Variants in RAP1A observed in about 807,000 individuals in gnomAD.
The protein encoded by RAP1A is ras-related protein Rap-1A.
RAP1A carries 6 observed loss-of-function variants against 26.4 expected under a neutral mutation model. The observed-to-expected ratio is 0.23, with a 90% CI of 0.12 to 0.45. The LOEUF (loss-of-function observed/expected upper bound fraction) is 0.45, where lower values mean the gene tolerates loss of function less well. Ranked by LOEUF, RAP1A falls within the 20% of genes least tolerant of loss-of-function variation. The pLI, the probability that RAP1A is intolerant of heterozygous loss-of-function variation, is 0.99. For synonymous variants in RAP1A, 73 were observed against 79.4 expected (o/e 0.92, Z 0.43); for missense variants, 121 against 217.2 (o/e 0.56, Z 2.78).
At chr1:111,634,101 G>A (rs1422541662) in intron 1 of RAP1A, among the ~76,000 whole-genome samples, 2 of 152,170 alleles carry the variant, frequency 1.3e-5, no homozygotes, top group Admixed American at 6.5e-5. Context: ...TGTCCTCTGT[G>A]TGTTGGTATA....
chr1:111,560,996 C>T (rs185889086), intron 1 of RAP1A, among the ~76,000 whole-genome samples: 2 of 152,332 alleles, frequency 1.3e-5, no homozygotes, highest in African/African-American at 4.8e-5. Flanking sequence ...AAAGCCCATC[C>T]TTTACTAGGC....
intron 1 of RAP1A, among the ~76,000 whole-genome samples, chr1:111,661,625 CCT>C (rs1478322844): frequency 6.6e-6 from 1 of 151,838 alleles, no homozygotes; most frequent in African/African-American, 2.4e-5. Context: ...ATGGTGAAAC[CCT>C]GTCTCAACTA....
chr1:111,606,070 G>A (rs1033298706), intron 1 of RAP1A, among the ~76,000 whole-genome samples: 3 of 152,156 alleles, frequency 2.0e-5, no homozygotes, highest in African/African-American at 7.2e-5. Flanking sequence ...GGCACCCCAG[G>A]ACTCAGGAGC....
At chr1:111,663,722 C>G (rs758266589) in intron 1 of RAP1A, among the ~76,000 whole-genome samples, 2 of 152,150 alleles carry the variant, frequency 1.3e-5, no homozygotes, top group Non-Finnish European at 2.9e-5. Context: ...CAAGGTCAAC[C>G]CCTTTTTTCT....
At chr1:111,580,306 C>G (rs1364497162) in intron 1 of RAP1A, among the ~76,000 whole-genome samples, 1 of 152,128 alleles carries the variant, frequency 6.6e-6, no homozygotes, top group Non-Finnish European at 1.5e-5. Flanking sequence ...AATGCTCTCA[C>G]TGTGCTCCAT....
intron 1 of RAP1A, among the ~76,000 whole-genome samples, chr1:111,680,954 A>G (rs1661274343): frequency 6.6e-6 from 1 of 152,222 alleles, no homozygotes; most frequent in Non-Finnish European, 1.5e-5. Context: ...CAGCACAAAA[A>G]TACTGAAAAC....
At chr1:111,551,840 G>A (rs915748054) in intron 1 of RAP1A, among the ~76,000 whole-genome samples, 2 of 151,940 alleles carry the variant, frequency 1.3e-5, no homozygotes, top group African/African-American at 2.4e-5. Flanking sequence ...TCAGCCGAGC[G>A]GTTTACAGTT....
chr1:111,595,122 TC>T (rs1223914076), intron 1 of RAP1A, among the ~76,000 whole-genome samples: 3 of 152,296 alleles, frequency 2.0e-5, no homozygotes, highest in Admixed American at 6.5e-5. Flanking sequence ...CAGCCCATCT[TC>T]CCCCACTATG....
intron 1 of RAP1A, 94 bp from the exon 2 acceptor site, chr1:111,691,240 A>G: frequency 1.2e-6 from 1 of 816,260 alleles, no homozygotes; most frequent in East Asian, 2.9e-5. Flanking sequence ...TACAAGGAAA[A>G]AAACAAAACA....
At chr1:111,561,060 C>T (rs567403839) in intron 1 of RAP1A, among the ~76,000 whole-genome samples, 92 of 152,310 alleles carry the variant, frequency 6.0e-4, no homozygotes, top group African/African-American at 2.2e-3. Context: ...GGACCATACC[C>T]TGAAGAAGAA....
At chr1:111,695,921 T>C (rs1376526567) in intron 3 of RAP1A, among the ~76,000 whole-genome samples, 1 of 152,222 alleles carries the variant, frequency 6.6e-6, no homozygotes, top group African/African-American at 2.4e-5. Flanking sequence ...AACTGTGGAC[T>C]CTTGGTGATA....
chr1:111,645,990 C>T (rs910992238), intron 1 of RAP1A, among the ~76,000 whole-genome samples: 1 of 152,148 alleles, frequency 6.6e-6, no homozygotes, highest in African/African-American at 2.4e-5. Flanking sequence ...ATTACACACA[C>T]GTGCACACGT....
At chr1:111,650,808 T>A (rs113021575) in intron 1 of RAP1A, among the ~76,000 whole-genome samples, 1 of 152,138 alleles carries the variant, frequency 6.6e-6, no homozygotes, top group Non-Finnish European at 1.5e-5. Context: ...TCTTTCTTTT[T>A]TTTTTGAGAC....
chr1:111,709,499 G>A (rs1194417934), intron 7 of RAP1A, among the ~76,000 whole-genome samples: 1 of 152,136 alleles, frequency 6.6e-6, no homozygotes, highest in Admixed American at 6.5e-5. Context: ...TGTGTCCCCA[G>A]TGCTTGATAC....
At chr1:111,584,326 A>G (rs1231333632) in intron 1 of RAP1A, among the ~76,000 whole-genome samples, 1 of 152,080 alleles carries the variant, frequency 6.6e-6, no homozygotes, top group African/African-American at 2.4e-5. Flanking sequence ...AATACGTTAC[A>G]CTGGGTAATT....
intron 1 of RAP1A, among the ~76,000 whole-genome samples, chr1:111,562,656 C>G (rs1657786160): frequency 6.6e-6 from 1 of 152,224 alleles, no homozygotes; most frequent in Non-Finnish European, 1.5e-5. Flanking sequence ...CCTAAACCCA[C>G]TGCCATGTTT....
At chr1:111,556,602 A>T (rs933403426) in intron 1 of RAP1A, among the ~76,000 whole-genome samples, 2 of 152,232 alleles carry the variant, frequency 1.3e-5, no homozygotes, top group African/African-American at 4.8e-5. Context: ...ACAAGCTACG[A>T]CATGGATGAA....
intron 1 of RAP1A, among the ~76,000 whole-genome samples, chr1:111,564,888 T>G (rs78706758): frequency 0.037 from 5,568 of 152,074 alleles, 144 homozygotes; most frequent in Non-Finnish European, 0.057. Context: ...AAGCCCCCCA[T>G]GCTTGCTATC....
rs1054938724 is a variant in RAP1A at position 111,588,718 on chromosome 1, A to G, written c.-28+46209A>G. Among the ~76,000 whole-genome samples the G allele has an allele frequency of 2.6e-5, 4 of 152,260 alleles. No homozygotes were observed. In the East Asian group the frequency reaches 7.7e-4, roughly 29 times the overall value. On this transcript the variant is annotated intron_variant, in intron 1 of 7. Coordinates refer to the RAP1A transcript ENST00000356415. ...TCCCTAGGAAGCTTTAACTACTTCA[A>G]TTGGGAGCCTCTCTTCCATTCTAGA...
Sources: gnomAD v4.1 joint callset for allele counts (sites outside exome capture counted in the v4.1 genomes callset) on GRCh38, gnomAD v4.1.1 for gene constraint, MANE v1.5 for transcripts, NCBI Gene and HGNC (gene_info 2026-07-23, HGNC 2026-07-21) for gene names.